The following ADAT3 variants were observed in gnomAD, a reference collection of about 807,000 sequenced individuals.
ADAT3 encodes tRNA-specific adenosine-34 deaminase regulatory subunit ADAT3.
In ADAT3, 2 loss-of-function variants were observed where a neutral mutation model predicts 3.5. That is an observed-to-expected ratio of 0.57 (90% confidence interval 0.23 to 1.79). The LOEUF is 1.79. Ranked by LOEUF, ADAT3 falls within the 40% of genes most tolerant of loss-of-function variation. ADAT3 has a pLI of 0.18. For synonymous variants in ADAT3, 358 were observed against 270.3 expected (o/e 1.32, Z -3.18); for missense variants, 735 against 571.4 (o/e 1.29, Z -2.92).
Position 1,913,299 on chromosome 19 carries a change from C to G in ADAT3, c.*148C>G, listed in dbSNP as rs777566076. On this transcript the variant is annotated 3_prime_UTR_variant, in exon 2 of 2. Coordinates refer to ENST00000329478, the MANE Select transcript of ADAT3 (RefSeq NM_138422.4). ...CAGCGGGGAGCACGGGTGCTGCCTT[C>G]CGTGCGGATCGAGCTTTCCTGGACT... The G allele has an allele frequency of 5.9e-5, 73 of 1,229,056 alleles. No individual in the cohort carries two copies. Among genetic ancestry groups the G allele is most frequent in the Non-Finnish European group, 8.1e-5 (73 of 903,964 alleles). 76.1% of individuals were successfully genotyped at this position (1,229,056 alleles called of 1,614,324 possible).
Position 1,913,390 on chromosome 19 carries a change from C to T in ADAT3, c.*239C>T, listed in dbSNP as rs1007880525. Reference sequence around the variant, plus strand: ...GGCCGCCCTTGCTGCGTTTGTGTCCCCTCTGTCTCGCGGGCCGGGAAACTG... The same window carrying T: ...GGCCGCCCTTGCTGCGTTTGTGTCCTCTCTGTCTCGCGGGCCGGGAAACTG... On this transcript the variant is annotated 3_prime_UTR_variant, in exon 2 of 2. Coordinates refer to ENST00000329478, the MANE Select transcript of ADAT3 (RefSeq NM_138422.4). The T allele has an allele frequency of 1.9e-5, 12 of 622,818 alleles. No homozygotes were observed. Among genetic ancestry groups the T allele is most frequent in the Admixed American group, 9.7e-5 (3 of 30,826 alleles). The allele number at this position is 622,818 out of a possible 1,614,324, so 38.6% of individuals were successfully genotyped here. A position where few individuals can be genotyped will look rare whatever the true frequency, so the allele number is the denominator to read the frequency against.
rs1254128911 is a variant in ADAT3, at chr19:1,913,326, G to A, written c.*175G>A. ...GTGCGGATCGAGCTTTCCTGGACTC[G>A]GTCATTGGGGCCACCCCGTGCCAGC... is the stretch of plus-strand genomic sequence containing the variant. On this transcript the variant is annotated 3_prime_UTR_variant, in exon 2 of 2. Coordinates refer to ENST00000329478, the MANE Select transcript of ADAT3 (RefSeq NM_138422.4). 12 of 970,090 alleles carry A rather than the reference G, an allele frequency of 1.2e-5. No homozygotes were observed. Among genetic ancestry groups the A allele is most frequent in the Non-Finnish European group, 1.3e-5 (9 of 670,156 alleles). The allele number at this position is 970,090 out of a possible 1,614,324, so 60.1% of individuals were successfully genotyped here.
chr19:1,908,205 G>A lies in ADAT3; in HGVS notation c.-159+2766G>A, dbSNP rs1038830872. 3 of 270,846 alleles carry A rather than the reference G, an allele frequency of 1.1e-5. No individual in the cohort carries two copies. Among genetic ancestry groups the A allele is most frequent in the South Asian group, 3.2e-5 (1 of 31,170 alleles). The allele number at this position is 270,846 out of a possible 1,614,324, so 16.8% of individuals were successfully genotyped here. On this transcript the variant is annotated intron_variant, in intron 1 of 1. Transcript: ENST00000329478. This position sits in a 1 kb window ranked among gnomAD's most constrained non-coding sequence, Gnocchi z 4.2. ...GGCTGCTATGGGCCCCACCTGGCACGGGGCCTCGGGCAGCGGCAGCACCTG... is the reference window on the plus strand; with the variant it reads ...GGCTGCTATGGGCCCCACCTGGCACAGGGCCTCGGGCAGCGGCAGCACCTG...
rs1051095963 is a variant in ADAT3 at position 1,911,511 on chromosome 19, C to T, written c.-158-379C>T. Among the ~76,000 whole-genome samples, 220 of 152,294 alleles carry T rather than the reference C, an allele frequency of 1.4e-3. 1 individual carries two copies. The highest frequency in any genetic ancestry group is 7.7e-4 in the East Asian group (4 of 5,190). On this transcript the variant is annotated intron_variant, in intron 1 of 1. Transcript: ENST00000329478. ...TTGAAAATGACCTGTCTTGGCTGGG[C>T]GCAGTGACTCACACCTGTAATCCCA...
chr19:1,913,037 C>A lies in ADAT3; in HGVS notation c.990C>A (p.Asp330Glu). Residue 330 changes from aspartate (D) to glutamate (E), a missense_variant, in exon 2 of 2, where the codon GAC becomes GAA. Coordinates refer to ENST00000329478, the MANE Select transcript of ADAT3 (RefSeq NM_138422.4). ...TCTTCTACGGTGCGCCCTCGCCCGA[C>A]GGCGCCCTGGGCACCCGCTTCCGCA... ...LRVFYGAPSP[D>E]GALGTRFRIH... is the part of the protein sequence containing the mutation. 1 of 1,604,054 alleles carries A rather than the reference C, an allele frequency of 6.2e-7. No homozygotes were observed. Among genetic ancestry groups the A allele is most frequent in the Non-Finnish European group, 8.5e-7 (1 of 1,179,104 alleles).
chr19:1,912,080 G>T lies in ADAT3; in HGVS notation c.33G>T (p.Gln11His), dbSNP rs774124572. ...TCTGCTCCCGTCTCTGTCTCCCACA[G>T]TCGGCCTCGCTGAGGATGGAGCCCG... is the stretch of plus-strand genomic sequence containing the variant. MILCSRLCLP[Q>H]SASLRMEPAP... The change falls in exon 2 of 2, where the codon CAG becomes CAT. Residue 11 changes from glutamine (Q) to histidine (H), a missense_variant. Coordinates refer to ENST00000329478, the MANE Select transcript of ADAT3 (RefSeq NM_138422.4). 44 of 1,456,830 alleles carry T rather than the reference G, an allele frequency of 3.0e-5. 2 individuals are homozygous for T. The South Asian group carries it at 5.7e-4, about 19-fold the overall frequency. 90.2% of individuals were successfully genotyped at this position (1,456,830 alleles called of 1,614,324 possible).
In ADAT3 at chr19:1,913,035, G is replaced by C; in HGVS notation, c.988G>C (p.Asp330His). 2 of 1,604,210 alleles carry C rather than the reference G, an allele frequency of 1.2e-6. No homozygotes were observed. Among genetic ancestry groups the C allele is most frequent in the East Asian group, 2.2e-5 (1 of 44,832 alleles). Reference sequence around the variant, plus strand: ...CGTCTTCTACGGTGCGCCCTCGCCCGACGGCGCCCTGGGCACCCGCTTCCG... The same window carrying C: ...CGTCTTCTACGGTGCGCCCTCGCCCCACGGCGCCCTGGGCACCCGCTTCCG... ...LRVFYGAPSP[D>H]GALGTRFRIH... The change falls in exon 2 of 2, where the codon GAC (aspartate) becomes CAC (histidine). Residue 330 changes from aspartate (D) to histidine (H), a missense_variant. Physicochemically the swap from Asp to His is moderately conservative, Grantham distance 81 (BLOSUM62 -1). Coordinates refer to ENST00000329478, the MANE Select transcript of ADAT3 (RefSeq NM_138422.4).
intron 1 of ADAT3, among the ~76,000 whole-genome samples, chr19:1,907,391 T>TAAA (rs111426560): frequency 0.19 from 25,365 of 136,904 alleles, 2,820 homozygotes; most frequent in African/African-American, 0.3. Flanking sequence ...AGCCCTGCCT[T>TAAA]AAAAAAAAAA....
intron 1 of ADAT3, chr19:1,907,264 C>T (rs2013174301): frequency 6.6e-6 from 1 of 151,866 alleles, no homozygotes; most frequent in African/African-American, 2.4e-5. Flanking sequence ...AGTTCTCTCC[C>T]CTACTTCCCC....
chr19:1,912,672 CGGGCCGTGG>C lies in ADAT3; in HGVS notation c.635_643del (p.Gly212_Val214del), dbSNP rs745814494. ...CCGGCGGGCAGCAGCGCGGGGCTTGCGGGCCGTGGGGGCCGTGGTAGTGGACCCGGCCTC... is the reference window on the plus strand; with the variant it reads ...CCGGCGGGCAGCAGCGCGGGGCTTGCGGGCCGTGGTAGTGGACCCGGCCTC... On this transcript the variant is annotated inframe_deletion, in exon 2 of 2. Coordinates refer to ENST00000329478, the MANE Select transcript of ADAT3 (RefSeq NM_138422.4). The C allele has an allele frequency of 1.4e-4, 207 of 1,437,598 alleles. No homozygotes were observed. The highest frequency in any genetic ancestry group is 1.8e-4 in the Middle Eastern group (1 of 5,430). 89.1% of individuals were successfully genotyped at this position (1,437,598 alleles called of 1,614,324 possible).
rs561894043 is a variant in ADAT3 at position 1,908,955 on chromosome 19, AT to A, written c.-158-2933del. On this transcript the variant is annotated intron_variant, in intron 1 of 1. Transcript: ENST00000329478. The surrounding 1 kb of genome is among the most constrained non-coding windows in gnomAD (Gnocchi z 4.2). ...CCCCGTCTCTACTGAAAATACAAAAATTAGCCGGGCGTGGTGGCATGTGCCT... is the reference window on the plus strand; with the variant it reads ...CCCCGTCTCTACTGAAAATACAAAAATAGCCGGGCGTGGTGGCATGTGCCT... 2.4e-3 allele frequency among the ~76,000 whole-genome samples: 359 copies of A among 152,164 alleles called. 2 individuals carry two copies. Among genetic ancestry groups the A allele is most frequent in the Middle Eastern group, 0.017 (5 of 294 alleles).
chr19:1,912,109 CG>C lies in ADAT3; in HGVS notation c.65del (p.Gly22AlafsTer55). The C allele has an allele frequency of 6.6e-7, 1 of 1,521,050 alleles. No individual in the cohort carries two copies. Among genetic ancestry groups the C allele is most frequent in the Non-Finnish European group, 8.8e-7 (1 of 1,139,530 alleles). The allele number at this position is 1,521,050 out of a possible 1,614,324, so 94.2% of individuals were successfully genotyped here. A position where few individuals can be genotyped will look rare whatever the true frequency, so the allele number is the denominator to read the frequency against. The part of the protein sequence containing the change: ...QSASLRMEPA[P>X]GLVEQPKCLE... Reference sequence around the variant, plus strand: ...GCCTCGCTGAGGATGGAGCCCGCCCCGGGCCTCGTGGAGCAGCCCAAGTGCT... The same window carrying C: ...GCCTCGCTGAGGATGGAGCCCGCCCCGGCCTCGTGGAGCAGCCCAAGTGCT... On this transcript the variant is annotated frameshift_variant, in exon 2 of 2. Transcript: ENST00000329478. LOFTEE classifies it low-confidence loss of function (END_TRUNC).
rs779984090 is a variant in ADAT3 at position 1,913,119 on chromosome 19, G to A, written c.1072G>A (p.Glu358Lys). The change falls in exon 2 of 2, where the codon GAG (glutamate) becomes AAG (lysine). Residue 358 changes from glutamate (E) to lysine (K), a missense_variant. Physicochemically the swap from Glu to Lys is moderately conservative, Grantham distance 56. Coordinates refer to ENST00000329478, the MANE Select transcript of ADAT3 (RefSeq NM_138422.4). ...CCAGGTGTTCCGCGGGGTGCTGGAGGAGCAGTGCCGCTGGCTGGACCCCGA... is the reference window on the plus strand; with the variant it reads ...CCAGGTGTTCCGCGGGGTGCTGGAGAAGCAGTGCCGCTGGCTGGACCCCGA... ...RFQVFRGVLE[E>K]QCRWLDPDT 2.5e-6 allele frequency: 4 copies of A among 1,584,194 alleles called. No individual in the cohort carries two copies. Among genetic ancestry groups the A allele is most frequent in the Non-Finnish European group, 1.7e-6 (2 of 1,169,922 alleles).
Position 1,908,615 on chromosome 19 carries a change from G to A in ADAT3, c.-159+3176G>A, listed in dbSNP as rs1295384225. The A allele has an allele frequency of 4.3e-6, 2 of 470,118 alleles. No individual in the cohort carries two copies. The highest frequency in any genetic ancestry group is 2.4e-5 in the Admixed American group (1 of 42,328). 29.1% of individuals were successfully genotyped at this position (470,118 alleles called of 1,614,324 possible). On this transcript the variant is annotated intron_variant, in intron 1 of 1. Transcript: ENST00000329478. This position sits in a 1 kb window ranked among gnomAD's most constrained non-coding sequence, Gnocchi z 4.2. ...CCATCTGAGGCAGTACTGTCTGCTA[G>A]AAATAACTGTGAGCACACAGGTAGT...
chr19:1,907,460 A>G (rs1282057958), intron 1 of ADAT3, among the ~76,000 whole-genome samples: 3 of 151,390 alleles, frequency 2.0e-5, no homozygotes, highest in Non-Finnish European at 4.4e-5. Context: ...TGGAGGAGTC[A>G]GGACTGGTGC....
At chr19:1,909,436 C>T (rs2013318715) in intron 1 of ADAT3, among the ~76,000 whole-genome samples, 2 of 152,216 alleles carry the variant, frequency 1.3e-5, no homozygotes. Flanking sequence ...AGTGGCCCTA[C>T]TGCCTCATGT....
chr19:1,909,292 T>C (rs2013308909), intron 1 of ADAT3, among the ~76,000 whole-genome samples: 1 of 152,128 alleles, frequency 6.6e-6, no homozygotes, highest in Non-Finnish European at 1.5e-5. Flanking sequence ...CCCAGGGCCC[T>C]GTGAGCAGTC....
chr19:1,913,269 G>C lies in ADAT3; in HGVS notation c.*118G>C. 7.2e-7 allele frequency: 1 copy of C among 1,380,406 alleles called. No individual in the cohort carries two copies. The highest frequency in any genetic ancestry group is 9.6e-7 in the Non-Finnish European group (1 of 1,040,124). 85.5% of individuals were successfully genotyped at this position (1,380,406 alleles called of 1,614,324 possible). The stretch of plus-strand genomic sequence containing the variant: ...ACCGTGGATTTCAGGGACACATACC[G>C]CCTCCAGCGGGGAGCACGGGTGCTG... On this transcript the variant is annotated 3_prime_UTR_variant, in exon 2 of 2. Transcript: ENST00000329478.
At position 1,908,308 on chromosome 19, in the gene ADAT3, G is replaced by A. The variant is rs2013247121; in HGVS notation, c.-159+2869G>A. 3.0e-6 allele frequency: 1 copy of A among 335,408 alleles called. No homozygotes were observed. The highest frequency in any genetic ancestry group is 4.1e-5 in the Admixed American group (1 of 24,448). 20.8% of individuals were successfully genotyped at this position (335,408 alleles called of 1,614,324 possible). Reference sequence around the variant, plus strand: ...GCTTTGTTGAACGCGTGAGCTTCGGGCAGCGCTGGGGCCGCTTCAGCGTGA... The same window carrying A: ...GCTTTGTTGAACGCGTGAGCTTCGGACAGCGCTGGGGCCGCTTCAGCGTGA... On this transcript the variant is annotated intron_variant, in intron 1 of 1. Coordinates refer to ENST00000329478, the MANE Select transcript of ADAT3 (RefSeq NM_138422.4). This position sits in a 1 kb window ranked among gnomAD's most constrained non-coding sequence, Gnocchi z 4.2.
Sources: gnomAD v4.1 joint callset for allele counts (sites outside exome capture counted in the v4.1 genomes callset) on GRCh38, gnomAD v4.1.1 for gene constraint, Gnocchi (gnomAD v3.1) non-coding constraint, MANE v1.5 for transcripts, NCBI Gene and HGNC (gene_info 2026-07-23, HGNC 2026-07-21) for gene names.